CNTNAP4: variants seen among roughly 807,000 people sequenced by gnomAD.
CNTNAP4 encodes the protein contactin associated protein family member 4.
CNTNAP4 carries 98 observed loss-of-function variants against 148.4 expected under a neutral mutation model. The observed-to-expected ratio is 0.66, with a 90% CI of 0.56 to 0.78. The LOEUF is 0.78. Ranked by LOEUF, CNTNAP4 falls within the 30% of genes least tolerant of loss-of-function variation. CNTNAP4 has a pLI of 0.00. For synonymous variants in CNTNAP4, 730 were observed against 565.1 expected (o/e 1.29, Z -4.14); for missense variants, 1,935 against 1,565.6 (o/e 1.24, Z -3.98).
At chr16:76,421,755 G>A (rs754185582) in intron 3 of CNTNAP4, among the ~76,000 whole-genome samples, 1 of 152,154 alleles carries the variant, frequency 6.6e-6, no homozygotes, top group Non-Finnish European at 1.5e-5. Context: ...TAGGTCACAA[G>A]AATTCTCACA....
intron 15 of CNTNAP4, among the ~76,000 whole-genome samples, chr16:76,504,805 G>T (rs1358867624): frequency 6.6e-6 from 1 of 152,038 alleles, no homozygotes; most frequent in East Asian, 1.9e-4. Flanking sequence ...CAAAAGATTT[G>T]CACATACACA....
At chr16:76,345,386 C>G (rs762372107) in intron 2 of CNTNAP4, among the ~76,000 whole-genome samples, 5 of 152,174 alleles carry the variant, frequency 3.3e-5, no homozygotes, top group African/African-American at 1.2e-4. Flanking sequence ...AAAAACAAAA[C>G]AGTGATTTCC....
At chr16:76,292,182 A>G (rs181123940) in intron 1 of CNTNAP4, among the ~76,000 whole-genome samples, 6 of 152,308 alleles carry the variant, frequency 3.9e-5, no homozygotes, top group African/African-American at 1.4e-4. Context: ...GAACTGTTCA[A>G]TGTCATCCAA....
At chr16:76,358,473 C>A (rs144158563) in intron 3 of CNTNAP4, among the ~76,000 whole-genome samples, 257 of 152,288 alleles carry the variant, frequency 1.7e-3, no homozygotes, top group Non-Finnish European at 3.0e-3. Context: ...ATATGGAGAT[C>A]ATTGTAAGCT....
intron 8 of CNTNAP4, among the ~76,000 whole-genome samples, chr16:76,460,773 A>AAAAATATATATATAT: frequency 5.2e-5 from 3 of 57,324 alleles, no homozygotes; most frequent in African/African-American, 1.9e-4. Flanking sequence ...AAAAAAAAAA[A>AAAAATATATATATAT]ATATATATAT....
chr16:76,350,978 G>T (rs572329674), intron 2 of CNTNAP4, among the ~76,000 whole-genome samples: 1 of 152,200 alleles, frequency 6.6e-6, no homozygotes, highest in East Asian at 1.9e-4. Context: ...AGGAACTGGT[G>T]GGGGCAAGAC....
intron 15 of CNTNAP4, among the ~76,000 whole-genome samples, chr16:76,515,025 A>C (rs557626599): frequency 6.6e-6 from 1 of 152,316 alleles, no homozygotes; most frequent in South Asian, 2.1e-4. Context: ...AGGAAATCTA[A>C]AAATCTAAAC....
intron 15 of CNTNAP4, among the ~76,000 whole-genome samples, chr16:76,512,500 C>A (rs1405259610): frequency 6.6e-6 from 1 of 152,080 alleles, no homozygotes; most frequent in Non-Finnish European, 1.5e-5. Flanking sequence ...GGTGTTTGAT[C>A]TAATCAATTA....
chr16:76,553,554 T>C lies in CNTNAP4; in HGVS notation c.3661+53T>C, dbSNP rs1326787756. On this transcript the variant is annotated intron_variant, in intron 22 of 23. Transcript: ENST00000611870. The stretch of plus-strand genomic sequence containing the variant: ...TCACAGACGTAGCTTGTCCATGGAA[T>C]TTAGAAAACTTCTCATGTGGCTTTC... 4 of 1,304,526 alleles carry C rather than the reference T, an allele frequency of 3.1e-6. No homozygotes were observed. In the African/African-American group the frequency reaches 5.9e-5, roughly 19 times the overall value. 80.8% of individuals were successfully genotyped at this position (1,304,526 alleles called of 1,614,324 possible). A position where few individuals can be genotyped will look rare whatever the true frequency, so the allele number is the denominator to read the frequency against.
chr16:76,370,225 C>T (rs889350147), intron 3 of CNTNAP4, among the ~76,000 whole-genome samples: 1 of 148,212 alleles, frequency 6.7e-6, no homozygotes, highest in Non-Finnish European at 1.5e-5. Context: ...AGTTTAAATC[C>T]ATATATATAG....
At position 76,538,186 on chromosome 16, in the gene CNTNAP4, A is replaced by G; in HGVS notation, c.3066A>G (p.Lys1022=). Residue 1022 remains lysine, a synonymous_variant, in exon 19 of 24, where the codon AAA becomes AAG. Coordinates refer to ENST00000611870, the MANE Select transcript of CNTNAP4 (RefSeq NM_033401.5). ...TTCAAGAAAATTATCTTTTAAGTAA[A>G]AACTCCAGCTCCCACGCTGCTTCAT... ...YNFQENYLLS[K]NSSSHAASFH... is the part of the protein sequence containing the mutation. 1 of 1,600,828 alleles carries G rather than the reference A, an allele frequency of 6.2e-7. No individual in the cohort carries two copies.
At chr16:76,396,485 G>C (rs906235441) in intron 3 of CNTNAP4, among the ~76,000 whole-genome samples, 2 of 152,170 alleles carry the variant, frequency 1.3e-5, no homozygotes, top group African/African-American at 2.4e-5. Context: ...TAACCAAAGA[G>C]GTGGATGTCC....
At chr16:76,555,454 G>C (rs1282064394) in intron 23 of CNTNAP4, among the ~76,000 whole-genome samples, 1 of 152,186 alleles carries the variant, frequency 6.6e-6, no homozygotes, top group African/African-American at 2.4e-5. Flanking sequence ...TAAAGCTATA[G>C]TATTTACAAT....
chr16:76,471,516 A>C (rs993270317), intron 10 of CNTNAP4, among the ~76,000 whole-genome samples: 2 of 151,962 alleles, frequency 1.3e-5, no homozygotes, highest in Non-Finnish European at 2.9e-5. Flanking sequence ...CACCTCCGTC[A>C]CCTGTCCTTC....
chr16:76,412,065 A>G (rs1269843697), intron 3 of CNTNAP4, among the ~76,000 whole-genome samples: 1 of 151,458 alleles, frequency 6.6e-6, no homozygotes, highest in Non-Finnish European at 1.5e-5. Flanking sequence ...TGAACTTTTA[A>G]ATATCTGGCT....
intron 17 of CNTNAP4, among the ~76,000 whole-genome samples, chr16:76,522,699 T>TC (rs1568497373): frequency 0.057 from 1,088 of 19,178 alleles, 139 homozygotes; most frequent in African/African-American, 0.068. Context: ...TTCTTTTCTT[T>TC]TCTTTTCTTT....
chr16:76,312,672 A>T (rs919720998), intron 1 of CNTNAP4, among the ~76,000 whole-genome samples: 8 of 152,104 alleles, frequency 5.3e-5, no homozygotes, highest in Admixed American at 3.9e-4. Flanking sequence ...TACACTTCAA[A>T]CCTAAAGAAA....
intron 12 of CNTNAP4, among the ~76,000 whole-genome samples, chr16:76,483,199 G>A (rs922877604): frequency 6.7e-6 from 1 of 148,358 alleles, no homozygotes; most frequent in African/African-American, 2.5e-5. Context: ...GCGATAGGTT[G>A]ATAAATATCT....
chr16:76,494,291 G>A (rs1270166901), intron 13 of CNTNAP4, among the ~76,000 whole-genome samples: 1 of 152,082 alleles, frequency 6.6e-6, no homozygotes, highest in Non-Finnish European at 1.5e-5. Context: ...TTCGCTTCCA[G>A]CATGAAGATT....
Sources: gnomAD v4.1 joint callset for allele counts (sites outside exome capture counted in the v4.1 genomes callset) on GRCh38, gnomAD v4.1.1 for gene constraint, MANE v1.5 for transcripts, NCBI Gene and HGNC (gene_info 2026-07-23, HGNC 2026-07-21) for gene names.